NDUFAF6: variants seen among roughly 807,000 people sequenced by gnomAD.
The protein encoded by NDUFAF6 is NADH dehydrogenase (ubiquinone) complex I, assembly factor 6.
A neutral mutation model predicts 40.8 loss-of-function variants in NDUFAF6; 45 were observed. That is an observed-to-expected ratio of 1.10 (90% CI 0.87 to 1.42). The LOEUF (loss-of-function observed/expected upper bound fraction) is 1.42, where lower values mean the gene tolerates loss of function less well. NDUFAF6 is among the 40% of genes most tolerant of loss of function. The pLI, the probability that NDUFAF6 is intolerant of heterozygous loss-of-function variation, is 0.00. For synonymous variants in NDUFAF6, 185 were observed against 155.9 expected (o/e 1.19, Z -1.39); for missense variants, 435 against 418.5 (o/e 1.04, Z -0.34).
chr8:95,039,309 C>T (rs192525683), intron 3 of NDUFAF6, among the ~76,000 whole-genome samples: 4 of 152,002 alleles, frequency 2.6e-5, no homozygotes, highest in African/African-American at 9.6e-5. Flanking sequence ...AAAAATTAGC[C>T]GGGCGTAGTG....
At chr8:95,072,517 G>C (rs1428676202) in intron 9 of NDUFAF6, among the ~76,000 whole-genome samples, 1 of 152,198 alleles carries the variant, frequency 6.6e-6, no homozygotes, top group Non-Finnish European at 1.5e-5. Flanking sequence ...GAGTAGAGTT[G>C]ACCATGTTTC....
intron 4 of NDUFAF6, 81 bp downstream of exon 4, chr8:95,041,707 A>G: frequency 8.7e-7 from 1 of 1,153,804 alleles, no homozygotes; most frequent in South Asian, 1.2e-5. Context: ...ACATTTTTTG[A>G]CTGTATATTA....
intron 2 of NDUFAF6, among the ~76,000 whole-genome samples, chr8:95,006,334 G>A (rs531628558): frequency 1.8e-4 from 24 of 134,668 alleles, no homozygotes; most frequent in Non-Finnish European, 2.7e-4. Context: ...TAGCCTAGGC[G>A]ACAAGAGCAA....
At chr8:94,926,464 G>T (rs1819909149) in intron 1 of NDUFAF6, 1 of 149,134 alleles carries the variant, frequency 6.7e-6, no homozygotes, top group Non-Finnish European at 1.5e-5. Context: ...CAAAATCTCT[G>T]GAGGAAAATA....
intron 2 of NDUFAF6, among the ~76,000 whole-genome samples, chr8:94,997,080 T>C (rs1826465422): frequency 6.6e-6 from 1 of 152,092 alleles, no homozygotes; most frequent in Non-Finnish European, 1.5e-5. Context: ...AGAACTTATG[T>C]TCAGGAAATA....
At chr8:94,965,007 G>C (rs539909888) in intron 1 of NDUFAF6, among the ~76,000 whole-genome samples, 3 of 152,246 alleles carry the variant, frequency 2.0e-5, no homozygotes, top group South Asian at 4.1e-4. Context: ...CTCTAGCACT[G>C]TTTCCATCAG....
chr8:95,103,578 C>G (rs955840783), downstream of NDUFAF6: 1 of 152,168 alleles, frequency 6.6e-6, no homozygotes, highest in African/African-American at 2.4e-5. Flanking sequence ...GTCATGGTCT[C>G]TGGTAGTGTT....
intron 2 of NDUFAF6, among the ~76,000 whole-genome samples, chr8:95,090,758 G>T (rs1336119920): frequency 6.6e-6 from 1 of 152,182 alleles, no homozygotes; most frequent in Admixed American, 6.5e-5. Context: ...GGGGAAAGCA[G>T]ATCCACCCTT....
At chr8:94,915,242 C>A (rs1819053960) in intron 1 of NDUFAF6, among the ~76,000 whole-genome samples, 1 of 152,108 alleles carries the variant, frequency 6.6e-6, no homozygotes, top group African/African-American at 2.4e-5. Flanking sequence ...TAAGTGACTG[C>A]CCCCAGCCAA....
At chr8:95,107,292 A>G (rs904453037), downstream of NDUFAF6, among the ~76,000 whole-genome samples, 6 of 152,232 alleles carry the variant, frequency 3.9e-5, no homozygotes, top group Non-Finnish European at 5.9e-5. Context: ...GGAATACTAT[A>G]CAGCCATAAA....
At chr8:94,965,678 G>A (rs145181876) in intron 1 of NDUFAF6, among the ~76,000 whole-genome samples, 289 of 152,262 alleles carry the variant, frequency 1.9e-3, no homozygotes, top group African/African-American at 6.3e-3. Flanking sequence ...TGGCCATGAC[G>A]GAATGATGGC....
At chr8:94,936,179 G>A (rs1820957313) in intron 1 of NDUFAF6, among the ~76,000 whole-genome samples, 1 of 152,210 alleles carries the variant, frequency 6.6e-6, no homozygotes, top group African/African-American at 2.4e-5. Context: ...TAGGATTGAA[G>A]GACATAAAAT....
At chr8:94,924,311 C>T (rs1006377138) in intron 1 of NDUFAF6, among the ~76,000 whole-genome samples, 1 of 151,978 alleles carries the variant, frequency 6.6e-6, no homozygotes, top group Non-Finnish European at 1.5e-5. Flanking sequence ...CTGCCTGCCT[C>T]GGCCTCCCAA....
chr8:94,922,183 A>G (rs905418180), intron 1 of NDUFAF6, among the ~76,000 whole-genome samples: 3 of 151,356 alleles, frequency 2.0e-5, no homozygotes, highest in Non-Finnish European at 2.9e-5. Context: ...AATTTTTTGT[A>G]TTTTTTAAAG....
upstream of NDUFAF6, among the ~76,000 whole-genome samples, chr8:95,021,612 GAAA>G (rs1226002537): frequency 7.2e-5 from 11 of 152,110 alleles, no homozygotes; most frequent in African/African-American, 2.4e-4. Flanking sequence ...GTCATTCTAA[GAAA>G]AAAACTCAGT....
intron 1 of NDUFAF6, among the ~76,000 whole-genome samples, chr8:95,025,672 C>G (rs925888333): frequency 1.3e-5 from 2 of 152,190 alleles, no homozygotes; most frequent in South Asian, 4.1e-4. Context: ...TAGAACAATT[C>G]CTGGCATATA....
At chr8:95,078,662 A>AAAAAAAT (rs545018367), downstream of NDUFAF6, 102 of 121,042 alleles carry the variant, frequency 8.4e-4, 1 homozygote, top group African/African-American at 3.2e-3. Context: ...AAAAAAAAAA[A>AAAAAAAT]ATATATATAT....
At chr8:95,031,369 T>G (rs1828818939) in intron 1 of NDUFAF6, among the ~76,000 whole-genome samples, 1 of 152,234 alleles carries the variant, frequency 6.6e-6, no homozygotes, top group Non-Finnish European at 1.5e-5. Context: ...TTAAAAACCA[T>G]ACATTCACCC....
intron 1 of NDUFAF6, among the ~76,000 whole-genome samples, chr8:94,939,100 AGT>A (rs910780929): frequency 4.6e-5 from 7 of 152,240 alleles, no homozygotes; most frequent in African/African-American, 1.4e-4. Flanking sequence ...GTGACTGTGC[AGT>A]GTGAGTATTG....
Sources: allele counts gnomAD v4.1 joint callset (sites outside exome capture counted in the v4.1 genomes callset), GRCh38; gene constraint gnomAD v4.1.1; transcripts MANE v1.5; gene names NCBI Gene and HGNC (gene_info 2026-07-23, HGNC 2026-07-21).